PRELID2: variants seen among roughly 807,000 people sequenced by gnomAD.
The protein encoded by PRELID2 is PRELI domain-containing protein 2.
In PRELID2, 25 loss-of-function variants were observed where a neutral mutation model predicts 28.4. The observed-to-expected ratio is 0.88, with a 90% confidence interval of 0.64 to 1.23. The LOEUF (loss-of-function observed/expected upper bound fraction) is 1.23. Among genes scored for constraint, PRELID2 ranks in the 50% most tolerant of loss-of-function variants. The pLI is 0.00. For synonymous variants in PRELID2, 76 were observed against 71.6 expected, an observed-to-expected ratio of 1.06 and a Z score of -0.31; for missense variants, 201 against 214.4, an observed-to-expected ratio of 0.94 and a Z score of 0.39.
chr5:145,394,107 T>C, the PRELID2 span, among the ~76,000 whole-genome samples: 2 of 152,168 alleles, frequency 1.3e-5, no homozygotes, highest in East Asian at 3.9e-4. Context: ...TTATAAATCA[T>C]GCTGCTATAA....
chr5:145,808,758 C>CA, intron 4 of PRELID2, among the ~76,000 whole-genome samples: 1 of 152,036 alleles, frequency 6.6e-6, no homozygotes, highest in East Asian at 1.9e-4. Context: ...TGGTAGCACA[C>CA]ACCTATATCT....
intron 1 of PRELID2, among the ~76,000 whole-genome samples, chr5:145,520,818 C>T (rs1381593289): frequency 6.6e-6 from 1 of 152,104 alleles, no homozygotes; most frequent in Non-Finnish European, 1.5e-5. Flanking sequence ...GAAACTAGCA[C>T]AATGCCGAGA....
the PRELID2 span, among the ~76,000 whole-genome samples, chr5:145,396,969 T>G: frequency 2.0e-5 from 3 of 152,008 alleles, no homozygotes; most frequent in Non-Finnish European, 2.9e-5. Flanking sequence ...AAATACAGGT[T>G]AGAAATGAAA....
At chr5:145,653,566 A>C (rs1350352999) in intron 1 of PRELID2, among the ~76,000 whole-genome samples, 1 of 152,250 alleles carries the variant, frequency 6.6e-6, no homozygotes, top group Non-Finnish European at 1.5e-5. Flanking sequence ...ACCACAGTGC[A>C]ATCAAACTAG....
At chr5:145,248,722 A>G in the PRELID2 span, among the ~76,000 whole-genome samples, 47 of 150,246 alleles carry the variant, frequency 3.1e-4, no homozygotes, top group Non-Finnish European at 3.0e-4. Context: ...ACTTGAACCC[A>G]GGGGGTGCAG....
At chr5:145,612,553 C>T (rs2149645975) in intron 1 of PRELID2, among the ~76,000 whole-genome samples, 1 of 152,034 alleles carries the variant, frequency 6.6e-6, no homozygotes, top group South Asian at 2.1e-4. Context: ...TTTTGGTGCA[C>T]CCATCACCCA....
At chr5:145,532,817 A>AG (rs1358929759) in intron 1 of PRELID2, among the ~76,000 whole-genome samples, 2 of 152,134 alleles carry the variant, frequency 1.3e-5, no homozygotes, top group Non-Finnish European at 2.9e-5. Flanking sequence ...TAGACTGAAG[A>AG]GTATTCCATT....
chr5:145,468,171 G>T (rs980255217), downstream of PRELID2, among the ~76,000 whole-genome samples: 1 of 152,052 alleles, frequency 6.6e-6, no homozygotes, highest in Non-Finnish European at 1.5e-5. Context: ...GTGGTGTTTG[G>T]TTTTTTGTCC....
the PRELID2 span, among the ~76,000 whole-genome samples, chr5:145,371,789 C>A: frequency 6.6e-6 from 1 of 150,672 alleles, no homozygotes; most frequent in Non-Finnish European, 1.5e-5. Context: ...TCTGTGGGGT[C>A]AGTGGTGATA....
the PRELID2 span, among the ~76,000 whole-genome samples, chr5:145,377,816 CTG>C: frequency 2.0e-5 from 3 of 152,126 alleles, no homozygotes; most frequent in Non-Finnish European, 4.4e-5. Flanking sequence ...GCTTGCCACT[CTG>C]TGTCTTTTAA....
At chr5:145,540,457 G>A (rs1752736623) in intron 1 of PRELID2, among the ~76,000 whole-genome samples, 1 of 151,838 alleles carries the variant, frequency 6.6e-6, no homozygotes, top group South Asian at 2.1e-4. Context: ...ATAAATTATG[G>A]TGTGTCCATC....
At chr5:145,418,567 A>T in the PRELID2 span, among the ~76,000 whole-genome samples, 1 of 152,110 alleles carries the variant, frequency 6.6e-6, no homozygotes, top group African/African-American at 2.4e-5. Context: ...AATGGAAAAG[A>T]ATACTCAGAA....
At chr5:145,693,394 T>C (rs1201652819) in intron 1 of PRELID2, among the ~76,000 whole-genome samples, 3 of 151,962 alleles carry the variant, frequency 2.0e-5, no homozygotes, top group Admixed American at 1.3e-4. Flanking sequence ...GCAATCCACC[T>C]GCCTCGGCCT....
At chr5:145,742,453 T>C (rs985278055) in intron 1 of PRELID2, among the ~76,000 whole-genome samples, 1 of 145,216 alleles carries the variant, frequency 6.9e-6, no homozygotes, top group African/African-American at 2.5e-5. Flanking sequence ...GAAAGACAGT[T>C]GGGAAATCTC....
the PRELID2 span, among the ~76,000 whole-genome samples, chr5:145,296,132 T>C: frequency 6.6e-6 from 1 of 152,124 alleles, no homozygotes; most frequent in African/African-American, 2.4e-5. Context: ...CCTCCAAAAC[T>C]CATGTTGAAA....
At chr5:145,699,597 C>T (rs1038039709) in intron 1 of PRELID2, among the ~76,000 whole-genome samples, 5 of 152,106 alleles carry the variant, frequency 3.3e-5, no homozygotes, top group African/African-American at 7.2e-5. Context: ...TGCACCACAG[C>T]CTTCTTCCCA....
chr5:145,546,068 G>T (rs975514109), intron 1 of PRELID2, among the ~76,000 whole-genome samples: 1 of 152,076 alleles, frequency 6.6e-6, no homozygotes, highest in Non-Finnish European at 1.5e-5. Flanking sequence ...AGAATTATCT[G>T]CAATGCTTGC....
chr5:145,502,631 C>A (rs973043299), intron 1 of PRELID2, among the ~76,000 whole-genome samples: 2 of 152,118 alleles, frequency 1.3e-5, no homozygotes, highest in African/African-American at 4.8e-5. Flanking sequence ...ATGTTGAGAT[C>A]TTTGAGGGCA....
intron 1 of PRELID2, among the ~76,000 whole-genome samples, chr5:145,628,868 C>T (rs1487189545): frequency 1.3e-5 from 2 of 152,098 alleles, no homozygotes; most frequent in East Asian, 1.9e-4. Context: ...ACGTGGAAAA[C>T]GGTTGCAGAA....
Sources: allele counts gnomAD v4.1 joint callset (sites outside exome capture counted in the v4.1 genomes callset), GRCh38; gene constraint gnomAD v4.1.1; transcripts MANE v1.5; gene names NCBI Gene and HGNC (gene_info 2026-07-23, HGNC 2026-07-21).